The following SLC9C1 variants were observed in gnomAD, a reference collection of about 807,000 sequenced individuals.
The protein encoded by SLC9C1 is solute carrier family 9 member C1, also known as sodium/hydrogen exchanger 10.
Under a neutral mutation model 140.9 loss-of-function variants are expected in SLC9C1, and 97 were observed. The ratio of observed to expected loss-of-function variants is 0.69; its 90% CI spans 0.58 to 0.82. The LOEUF is 0.82. Among genes scored for constraint, SLC9C1 ranks in the 40% least tolerant of loss-of-function variants. The probability of loss-of-function intolerance (pLI) is 0.00; values close to 1 mark genes in which losing one functional copy is unlikely to be tolerated. For missense variants in SLC9C1, 1,340 were observed against 1,389.3 expected, an observed-to-expected ratio of 0.96 and a Z score of 0.56; for synonymous variants, 440 against 442.6, an observed-to-expected ratio of 0.99 and a Z score of 0.07.
Position 112,264,316 on chromosome 3 carries a change from A to G in SLC9C1, c.906T>C (p.Ala302=). ...CAAAGAAAGTAAACACCATGAGAAA[A>G]GCAATACGTGATAGAAAAGTCCAGA... ...LEFWTFLSRI[A]FLMVFTFFGL... Residue 302 remains alanine (A), a synonymous_variant, in exon 9 of 29, where the codon GCT becomes GCC. Transcript: ENST00000305815. 8 of 1,470,768 alleles carry G rather than the reference A, an allele frequency of 5.4e-6. No homozygotes were observed. The highest frequency in any genetic ancestry group is 2.7e-5 in the East Asian group (1 of 37,428). The allele number at this position is 1,470,768 out of a possible 1,614,324, so 91.1% of individuals were successfully genotyped here.
At chr3:112,281,270 C>T (rs1405927050) in intron 2 of SLC9C1, among the ~76,000 whole-genome samples, 2 of 152,162 alleles carry the variant, frequency 1.3e-5, no homozygotes, top group African/African-American at 4.8e-5. Flanking sequence ...AATCCGACAC[C>T]ATCGCCCTTC....
chr3:112,163,265 A>G lies in SLC9C1; in HGVS notation c.3364+3956T>C, dbSNP rs1216961204. Among the ~76,000 whole-genome samples the G allele has an allele frequency of 4.1e-5, 6 of 145,892 alleles. No homozygotes were observed. In the South Asian group the frequency reaches 1.4e-3, roughly 33 times the overall value. On this transcript the variant is annotated intron_variant, in intron 26 of 28. Coordinates refer to ENST00000305815, the MANE Select transcript of SLC9C1 (RefSeq NM_183061.3). ...TTTTTGAAGGGTTTTTTGTGTCTCT[A>G]TTTCCTTCAGTTCTGCTCTGATTTT...
chr3:112,266,137 T>C (rs2079911922), intron 8 of SLC9C1, 101 bp downstream of exon 8: 3 of 902,266 alleles, frequency 3.3e-6, no homozygotes, highest in Non-Finnish European at 5.0e-6. Context: ...TTTCAAGTCT[T>C]TGAAAATCTT....
At chr3:112,173,134 T>G (rs2107931372) in intron 23 of SLC9C1, among the ~76,000 whole-genome samples, 1 of 152,316 alleles carries the variant, frequency 6.6e-6, no homozygotes, top group East Asian at 1.9e-4. Flanking sequence ...TATTTCTTCC[T>G]GAAATATTTG....
chr3:112,211,557 A>G lies in SLC9C1; in HGVS notation c.1791-3184T>C, dbSNP rs185371550. Among the ~76,000 whole-genome samples, 6 of 152,368 alleles carry G rather than the reference A, an allele frequency of 3.9e-5. No individual in the cohort carries two copies. The East Asian group carries it at 1.2e-3, about 29-fold the overall frequency. ...TTAGCAAACGGCACACCAGGAGATT[A>G]TATCCCGCACCTGGCTCGGAGGGTC... is the stretch of plus-strand genomic sequence containing the variant. On this transcript the variant is annotated intron_variant, in intron 15 of 28. Coordinates refer to ENST00000305815, the MANE Select transcript of SLC9C1 (RefSeq NM_183061.3).
Position 112,198,475 on chromosome 3 carries a change from T to G in SLC9C1, c.2523+846A>C, listed in dbSNP as rs2077821796. Among the ~76,000 whole-genome samples, 3 of 152,022 alleles carry G rather than the reference T, an allele frequency of 2.0e-5. No homozygotes were observed. The South Asian group carries it at 6.2e-4, about 31-fold the overall frequency. ...GTTATTCAATGCTTGGAATGCCACT[T>G]GTCGTTCTTCTTTTGTTCCTAACTT... On this transcript the variant is annotated intron_variant, in intron 20 of 28. Transcript: ENST00000305815.
chr3:112,255,925 A>T (rs1424978832), intron 10 of SLC9C1, among the ~76,000 whole-genome samples: 1 of 152,182 alleles, frequency 6.6e-6, no homozygotes, highest in African/African-American at 2.4e-5. Context: ...AAAAATACAA[A>T]TAACCATCAG....
chr3:112,243,469 G>A (rs917560663), intron 11 of SLC9C1, among the ~76,000 whole-genome samples: 4 of 152,168 alleles, frequency 2.6e-5, no homozygotes, highest in Admixed American at 2.0e-4. Flanking sequence ...TGAACATAGA[G>A]ATGGGAATAG....
chr3:112,178,739 G>A (rs550838211), intron 23 of SLC9C1, among the ~76,000 whole-genome samples: 25 of 152,156 alleles, frequency 1.6e-4, no homozygotes, highest in Admixed American at 1.2e-3. Context: ...TCATTATAAC[G>A]TTTTCTATTA....
chr3:112,226,476 C>T (rs922626309), intron 13 of SLC9C1, among the ~76,000 whole-genome samples: 3 of 151,868 alleles, frequency 2.0e-5, no homozygotes, highest in Non-Finnish European at 2.9e-5. Flanking sequence ...AATCCCAGCA[C>T]TTTCGGAGGC....
At chr3:112,152,297 G>A (rs4682361) in intron 27 of SLC9C1, among the ~76,000 whole-genome samples, 69,944 of 151,876 alleles carry the variant, frequency 0.46, 16,547 homozygotes, top group East Asian at 0.64. Context: ...TGTGTCATAA[G>A]TAAGTTTAAG....
chr3:112,205,628 C>CCTCACGCTACATG (rs1252368034), intron 16 of SLC9C1, among the ~76,000 whole-genome samples: 9 of 62,646 alleles, frequency 1.4e-4, no homozygotes, highest in Non-Finnish European at 1.4e-4. Context: ...AAGCTGGAAA[C>CCTCACGCTACATG]AGCATGGTAC....
At chr3:112,237,822 A>T (rs950387613) in intron 12 of SLC9C1, among the ~76,000 whole-genome samples, 16 of 152,194 alleles carry the variant, frequency 1.1e-4, no homozygotes, top group Non-Finnish European at 1.6e-4. Flanking sequence ...CTGCCGTGAG[A>T]TCAGCTGTTA....
chr3:112,223,509 T>C (rs2078597361), intron 13 of SLC9C1, among the ~76,000 whole-genome samples: 1 of 152,194 alleles, frequency 6.6e-6, no homozygotes, highest in African/African-American at 2.4e-5. Flanking sequence ...TAGAGTATTA[T>C]TGACATTTAT....
intron 5 of SLC9C1, 81 bp downstream of exon 5, chr3:112,277,614 C>T: frequency 2.4e-6 from 3 of 1,265,188 alleles, no homozygotes; most frequent in Non-Finnish European, 2.1e-6. Flanking sequence ...TGAAAAGCTA[C>T]CAAAAGCAAA....
intron 20 of SLC9C1, among the ~76,000 whole-genome samples, chr3:112,188,683 T>C (rs2107984995): frequency 6.6e-6 from 1 of 152,276 alleles, no homozygotes; most frequent in Middle Eastern, 3.4e-3. Flanking sequence ...GTGAATAGTG[T>C]TGCAATGAAC....
chr3:112,215,739 T>A (rs968208712), intron 15 of SLC9C1, among the ~76,000 whole-genome samples: 5 of 152,240 alleles, frequency 3.3e-5, no homozygotes, highest in Admixed American at 2.0e-4. Flanking sequence ...TTCCATGCTC[T>A]GGGGTAGGAA....
chr3:112,273,929 T>C (rs998789531), intron 6 of SLC9C1, among the ~76,000 whole-genome samples: 1 of 152,122 alleles, frequency 6.6e-6, no homozygotes, highest in African/African-American at 2.4e-5. Context: ...GAGACAATGC[T>C]ACATAAGACC....
chr3:112,234,780 A>G (rs921498623), intron 12 of SLC9C1, among the ~76,000 whole-genome samples: 2 of 152,148 alleles, frequency 1.3e-5, no homozygotes, highest in Non-Finnish European at 2.9e-5. Context: ...CAAAGATCAG[A>G]TAGTTGTAGA....
Sources: gnomAD v4.1 joint callset for allele counts (sites outside exome capture counted in the v4.1 genomes callset) on GRCh38, gnomAD v4.1.1 for gene constraint, MANE v1.5 for transcripts, NCBI Gene and HGNC (gene_info 2026-07-23, HGNC 2026-07-21) for gene names.